Variants in FAM120B observed in about 807,000 individuals in gnomAD.
FAM120B encodes the protein constitutive coactivator of peroxisome proliferator-activated receptor gamma.
A neutral mutation model predicts 96.3 loss-of-function variants in FAM120B; 83 were observed. The ratio of observed to expected loss-of-function variants is 0.86; its 90% CI spans 0.72 to 1.03. The LOEUF (loss-of-function observed/expected upper bound fraction) is 1.03, where lower values mean the gene tolerates loss of function less well. Among genes scored for constraint, FAM120B ranks in the 50% least tolerant of loss-of-function variants. The pLI is 0.00. For synonymous variants in FAM120B, 407 were observed against 402.7 expected (o/e 1.01, Z -0.13); for missense variants, 1,027 against 1,121.2 (o/e 0.92, Z 1.20).
At chr6:170,339,407 A>C (rs1562543736) in intron 4 of FAM120B, among the ~76,000 whole-genome samples, 1 of 152,100 alleles carries the variant, frequency 6.6e-6, no homozygotes, top group Admixed American at 6.5e-5. Flanking sequence ...AGAAATTTGA[A>C]GTATGTAACT....
chr6:170,396,932 ACT>A (rs1220260796), intron 9 of FAM120B, among the ~76,000 whole-genome samples: 1 of 152,010 alleles, frequency 6.6e-6, no homozygotes, highest in East Asian at 1.9e-4. Context: ...GCCCTAGGCG[ACT>A]CTGGCCTTGG....
At chr6:170,311,613 T>G (rs757500407) in intron 1 of FAM120B, among the ~76,000 whole-genome samples, 1 of 152,202 alleles carries the variant, frequency 6.6e-6, no homozygotes, top group Non-Finnish European at 1.5e-5. Flanking sequence ...TAGGTTGGCT[T>G]TCCCTGCTGA....
chr6:170,354,888 C>T (rs1272608906), intron 5 of FAM120B, among the ~76,000 whole-genome samples: 1 of 152,152 alleles, frequency 6.6e-6, no homozygotes, highest in African/African-American at 2.4e-5. Context: ...GAGATCGTGC[C>T]ACTGCACTCC....
intron 6 of FAM120B, among the ~76,000 whole-genome samples, chr6:170,361,924 G>T (rs1002141199): frequency 6.6e-6 from 1 of 152,124 alleles, no homozygotes; most frequent in South Asian, 2.1e-4. Context: ...CTTCTGAGTA[G>T]TTGGGATTCC....
At chr6:170,337,596 G>C (rs1010633493) in intron 4 of FAM120B, among the ~76,000 whole-genome samples, 7 of 152,198 alleles carry the variant, frequency 4.6e-5, no homozygotes, top group African/African-American at 1.7e-4. Flanking sequence ...AATAGTTTCA[G>C]AAGGAATGGT....
rs1007385471 is a variant in FAM120B at position 170,405,370 on chromosome 6, CCTT to C, written c.*623_*625del. On this transcript the variant is annotated 3_prime_UTR_variant, in exon 11 of 11. Coordinates refer to ENST00000476287, the MANE Select transcript of FAM120B (RefSeq NM_032448.3). ...TGTCAAAATATCGTGCTGTAATCAC[CCTT>C]CTTGCTATCTGAAAACCAAGAAGAC... The C allele has an allele frequency of 9.8e-5, 15 of 152,312 alleles. No individual in the cohort carries two copies. Among genetic ancestry groups the C allele is most frequent in the Admixed American group, 8.5e-4 (13 of 15,300 alleles). The allele number at this position is 152,312 out of a possible 1,614,324, so 9.4% of individuals were successfully genotyped here.
chr6:170,317,905 G>A lies in FAM120B; in HGVS notation c.515G>A (p.Cys172Tyr). Residue 172 changes from cysteine to tyrosine, a missense_variant, in exon 2 of 11, where the codon TGT becomes TAT. Cys to Tyr is a radical substitution (Grantham distance 194). This residue lies in a region of FAM120B where 880 missense variants were observed against 980.9 expected (regional missense o/e 0.90). Transcript: ENST00000476287. ...GCTTCCTATGGCCTCCAGCATAACT[G>A]TCTTGGGATTCTGGGGGAAGACACT... The part of the protein sequence containing the change: ...EVASYGLQHN[C>Y]LGILGEDTDY... 1 of 1,614,196 alleles carries A rather than the reference G, an allele frequency of 6.2e-7. No homozygotes were observed. Among genetic ancestry groups the A allele is most frequent in the Non-Finnish European group, 8.5e-7 (1 of 1,180,010 alleles).
chr6:170,391,935 G>A (rs1363912376), intron 8 of FAM120B, among the ~76,000 whole-genome samples: 7 of 152,238 alleles, frequency 4.6e-5, no homozygotes, highest in Non-Finnish European at 7.4e-5. Context: ...CGTTAACACC[G>A]TTCTTCTTAA....
intron 1 of FAM120B, among the ~76,000 whole-genome samples, chr6:170,301,481 TTA>T (rs1465276841): frequency 6.6e-6 from 1 of 152,234 alleles, no homozygotes; most frequent in East Asian, 1.9e-4. Context: ...CCCCACTGTT[TTA>T]GTGATTAACA....
chr6:170,368,903 G>C (rs1028230665), intron 6 of FAM120B, among the ~76,000 whole-genome samples: 5 of 151,978 alleles, frequency 3.3e-5, no homozygotes, highest in African/African-American at 1.2e-4. Context: ...GCAGTCTCCT[G>C]AGGGCACTCA....
At chr6:170,399,469 C>G (rs1384334369) in intron 9 of FAM120B, among the ~76,000 whole-genome samples, 1 of 147,860 alleles carries the variant, frequency 6.8e-6, no homozygotes, top group African/African-American at 2.5e-5. Flanking sequence ...TGTCATAACT[C>G]TTAGGAGTGA....
At chr6:170,316,778 G>T (rs1435637345) in intron 1 of FAM120B, among the ~76,000 whole-genome samples, 1 of 152,150 alleles carries the variant, frequency 6.6e-6, no homozygotes, top group African/African-American at 2.4e-5. Context: ...AGTGGTTAAT[G>T]TATCTGTCAC....
intron 4 of FAM120B, among the ~76,000 whole-genome samples, chr6:170,337,291 C>T (rs112737327): frequency 2.2e-4 from 33 of 152,094 alleles, no homozygotes; most frequent in African/African-American, 7.5e-4. Context: ...TTGAGATAAA[C>T]GTGATTTTTG....
chr6:170,349,570 G>T (rs1361544820), intron 5 of FAM120B, among the ~76,000 whole-genome samples: 1 of 152,114 alleles, frequency 6.6e-6, no homozygotes, highest in Non-Finnish European at 1.5e-5. Flanking sequence ...TTCATTATTG[G>T]TTTCACATGC....
At chr6:170,305,024 G>A (rs1008960331), upstream of FAM120B, among the ~76,000 whole-genome samples, 5 of 151,990 alleles carry the variant, frequency 3.3e-5, no homozygotes, top group African/African-American at 4.8e-5. Context: ...ATCCTCACAC[G>A]GTGGAAAGTG....
In FAM120B at chr6:170,404,829, T is replaced by C. The variant is rs574251111; in HGVS notation, c.*78T>C. 7.6e-6 allele frequency: 4 copies of C among 529,190 alleles called. No individual in the cohort carries two copies. In the Admixed American group the frequency reaches 1.4e-4, roughly 19 times the overall value. The allele number at this position is 529,190 out of a possible 1,614,324, so 32.8% of individuals were successfully genotyped here. A position where few individuals can be genotyped will look rare whatever the true frequency, so the allele number is the denominator to read the frequency against. The stretch of plus-strand genomic sequence containing the variant: ...CCCTGCCAGCGCCCTCCTCTGCTGT[T>C]GCAGCTGCAAGGAGACCATGCCTGT... On this transcript the variant is annotated 3_prime_UTR_variant, in exon 11 of 11. Transcript: ENST00000476287.
chr6:170,344,492 T>C lies in FAM120B; in HGVS notation c.2018-3659T>C, dbSNP rs1022758149. Among the ~76,000 whole-genome samples the C allele has an allele frequency of 7.7e-5, 11 of 142,094 alleles. No homozygotes were observed. The South Asian group carries it at 2.4e-3, about 31-fold the overall frequency. 93.2% of individuals were successfully genotyped at this position (142,094 alleles called of 152,430 possible). A position where few individuals can be genotyped will look rare whatever the true frequency, so the allele number is the denominator to read the frequency against. ...GCCTGCGGTGCTAGCCTCTCACTGG[T>C]TCCTGAGCAGCCCCACCTTGGAAGA... On this transcript the variant is annotated intron_variant, in intron 4 of 10. Transcript: ENST00000476287.
At chr6:170,304,582 C>T (rs1583168893), upstream of FAM120B, among the ~76,000 whole-genome samples, 1 of 152,152 alleles carries the variant, frequency 6.6e-6, no homozygotes, top group African/African-American at 2.4e-5. Flanking sequence ...CTGAGCGATA[C>T]CATCGAATCC....
chr6:170,333,341 C>T (rs1446395158), intron 4 of FAM120B, among the ~76,000 whole-genome samples: 1 of 152,118 alleles, frequency 6.6e-6, no homozygotes, highest in Non-Finnish European at 1.5e-5. Context: ...AGCGGGGCCT[C>T]ACCAGAAGCC....
Sources: allele counts gnomAD v4.1 joint callset (sites outside exome capture counted in the v4.1 genomes callset), GRCh38; gene constraint gnomAD v4.1.1; regional missense constraint gnomAD v4.1.1; transcripts MANE v1.5; gene names NCBI Gene and HGNC (gene_info 2026-07-23, HGNC 2026-07-21).